The following PRDM15 variants were observed in gnomAD, a reference collection of about 807,000 sequenced individuals.
PRDM15 encodes the protein PR/SET domain 15.
PRDM15 carries 64 observed loss-of-function variants against 128.6 expected under a neutral mutation model. The observed-to-expected ratio is 0.50, with a 90% CI of 0.41 to 0.61. PRDM15 has a LOEUF of 0.61. PRDM15 is among the 20% of genes least tolerant of loss of function. The probability of loss-of-function intolerance (pLI) is 0.00; values close to 1 mark genes in which losing one functional copy is unlikely to be tolerated. For missense variants in PRDM15, 1,242 were observed against 1,569.1 expected (o/e 0.79, Z 3.52); for synonymous variants, 615 against 621.8 (o/e 0.99, Z 0.16).
chr21:41,866,308 A>G (rs1021130533), intron 1 of PRDM15, among the ~76,000 whole-genome samples: 4 of 152,268 alleles, frequency 2.6e-5, no homozygotes, highest in African/African-American at 9.6e-5. Context: ...TACATGTTCC[A>G]TATAAAAAGG....
At position 41,859,863 on chromosome 21, in the gene PRDM15, C is replaced by T. The variant is rs941168627; in HGVS notation, c.38-178G>A. Among the ~76,000 whole-genome samples, 3 of 152,086 alleles carry T rather than the reference C, an allele frequency of 2.0e-5. No homozygotes were observed. Among genetic ancestry groups the T allele is most frequent in the African/African-American group, 4.8e-5 (2 of 41,414 alleles). On this transcript the variant is annotated intron_variant, in intron 2 of 23. Transcript: ENST00000398548. The surrounding 1 kb of genome is among the most constrained non-coding windows in gnomAD (Gnocchi z 5.3). ...ATTGGATGGCAGAAGGCCTGTGTCC[C>T]GAAGGCCTCTGTCAGCACTCGTGCA...
chr21:41,850,506 T>C (rs1303817630), intron 5 of PRDM15, among the ~76,000 whole-genome samples: 1 of 152,068 alleles, frequency 6.6e-6, no homozygotes, highest in African/African-American at 2.4e-5. Context: ...GGTGGGAGGA[T>C]TGCCCGAATC....
intron 11 of PRDM15, 30 bp downstream of exon 11, chr21:41,835,407 G>A (rs1296943654): frequency 1.3e-6 from 2 of 1,580,858 alleles, no homozygotes; most frequent in East Asian, 2.2e-5. Flanking sequence ...CCGCACAGCG[G>A]CCGAGGGGAG....
chr21:41,835,579 C>T, intron 10 of PRDM15, 55 bp from the exon 11 acceptor site: 2 of 1,478,816 alleles, frequency 1.4e-6, no homozygotes, highest in Admixed American at 1.7e-5. Flanking sequence ...TCCACAGATG[C>T]CGAGCCCCCG....
At chr21:41,826,335 T>C (rs1015743534) in intron 12 of PRDM15, among the ~76,000 whole-genome samples, 1 of 152,190 alleles carries the variant, frequency 6.6e-6, no homozygotes, top group Admixed American at 6.5e-5. Context: ...GGAAATATAA[T>C]GGCATCGAGT....
Position 41,859,504 on chromosome 21 carries a change from C to T in PRDM15, c.131+88G>A. 9.3e-7 allele frequency: 1 copy of T among 1,070,972 alleles called. No homozygotes were observed. The highest frequency in any genetic ancestry group is 1.4e-6 in the Non-Finnish European group (1 of 724,110). The allele number at this position is 1,070,972 out of a possible 1,614,324, so 66.3% of individuals were successfully genotyped here. A position where few individuals can be genotyped will look rare whatever the true frequency, so the allele number is the denominator to read the frequency against. On this transcript the variant is annotated intron_variant, in intron 3 of 23. Coordinates refer to ENST00000398548, the MANE Select transcript of PRDM15 (RefSeq NM_001040424.3). The surrounding 1 kb of genome is among the most constrained non-coding windows in gnomAD (Gnocchi z 5.3). ...AGTGCCTCTGTTCTCCCTCAGGCTC[C>T]TTCCTCCCCGTCTGCAGACCCAAAG...
rs2063531969 is a variant in PRDM15, at chr21:41,854,836, C to A, written c.286-18G>T. The A allele has an allele frequency of 1.9e-6, 3 of 1,587,984 alleles. No homozygotes were observed. Among genetic ancestry groups the A allele is most frequent in the East Asian group, 4.5e-5 (2 of 44,390 alleles). ...TGGAACACCTGAAGGTGAGTCGGCC[C>A]ATGGAGAAGCCGGGGAAATGGCTGA... On this transcript the variant is annotated intron_variant, in intron 4 of 23. Coordinates refer to ENST00000398548, the MANE Select transcript of PRDM15 (RefSeq NM_001040424.3). The surrounding 1 kb of genome is among the most constrained non-coding windows in gnomAD (Gnocchi z 4.6).
intron 6 of PRDM15, among the ~76,000 whole-genome samples, chr21:41,846,771 G>T (rs1050797107): frequency 2.6e-5 from 4 of 152,262 alleles, no homozygotes; most frequent in African/African-American, 9.6e-5. Flanking sequence ...AAAGGCAAGA[G>T]TGCACAACAC....
Position 41,806,532 on chromosome 21 carries a change from C to CA in PRDM15, c.2653-1919dup, listed in dbSNP as rs541298036. Among the ~76,000 whole-genome samples the CA allele has an allele frequency of 5.7e-3, 310 of 54,498 alleles. 38 individuals are homozygous for CA. The highest frequency in any genetic ancestry group is 0.029 in the Middle Eastern group (2 of 70). The allele number at this position is 54,498 out of a possible 152,430, so 35.8% of individuals were successfully genotyped here. On this transcript the variant is annotated intron_variant, in intron 21 of 23. Coordinates refer to ENST00000398548, the MANE Select transcript of PRDM15 (RefSeq NM_001040424.3). The stretch of plus-strand genomic sequence containing the variant: ...CCATCACCACCACCATCACCACCAC[C>CA]ATCACTACCACCAACATCACCACCA...
chr21:41,848,557 T>C (rs2063336607), intron 5 of PRDM15, among the ~76,000 whole-genome samples: 1 of 152,178 alleles, frequency 6.6e-6, no homozygotes, highest in African/African-American at 2.4e-5. Flanking sequence ...CAAATTCCCA[T>C]TTCCCACTCA....
At chr21:41,826,530 T>C (rs1166907348) in intron 12 of PRDM15, among the ~76,000 whole-genome samples, 1 of 152,234 alleles carries the variant, frequency 6.6e-6, no homozygotes, top group Non-Finnish European at 1.5e-5. Context: ...AACATCAGGC[T>C]GGTAAATACA....
At chr21:41,834,575 G>A (rs925301672) in intron 11 of PRDM15, 2 of 1,547,836 alleles carry the variant, frequency 1.3e-6, no homozygotes, top group African/African-American at 2.7e-5. Flanking sequence ...CTAGAGAGAG[G>A]GGGACACAAA....
chr21:41,822,876 A>G (rs1332102232), intron 14 of PRDM15, among the ~76,000 whole-genome samples: 1 of 152,138 alleles, frequency 6.6e-6, no homozygotes, highest in Non-Finnish European at 1.5e-5. Flanking sequence ...CTCTACCAAA[A>G]ATACAAAAAT....
intron 21 of PRDM15, among the ~76,000 whole-genome samples, chr21:41,805,998 C>T: frequency 7.7e-6 from 1 of 129,612 alleles, no homozygotes; most frequent in African/African-American, 2.9e-5. Context: ...TCACCACCAC[C>T]ACCACCATCA....
intron 5 of PRDM15, among the ~76,000 whole-genome samples, chr21:41,848,718 A>G (rs1226108845): frequency 6.6e-6 from 1 of 152,118 alleles, no homozygotes; most frequent in East Asian, 1.9e-4. Context: ...CTCCAGCAAT[A>G]AGCCTCCACA....
chr21:41,802,570 C>G, intron 23 of PRDM15, 142 bp downstream of exon 23: 1 of 727,202 alleles, frequency 1.4e-6, no homozygotes, highest in South Asian at 1.7e-5. Flanking sequence ...AAGTGAAAAA[C>G]AGAATGTCTG....
In PRDM15 at chr21:41,861,459, C is replaced by T. The variant is rs1354169896; in HGVS notation, c.-9-1087G>A. 3 of 994,974 alleles carry T rather than the reference C, an allele frequency of 3.0e-6. No individual in the cohort carries two copies. In the African/African-American group the frequency reaches 4.9e-5, roughly 16 times the overall value. 61.6% of individuals were successfully genotyped at this position (994,974 alleles called of 1,614,324 possible). On this transcript the variant is annotated intron_variant, in intron 1 of 23. Transcript: ENST00000398548. ...GGCTGTAAAATGGAAATAAAAACAC[C>T]CACCTCATGCAGTTTGGGAGGAGCA...
chr21:41,810,313 C>G lies in PRDM15; in HGVS notation c.2493G>C (p.Thr831=), dbSNP rs146699277. The part of the protein sequence containing the change: ...KLIHTVGKQW[T]CSVCDKKYVT... The stretch of plus-strand genomic sequence containing the variant: ...CGTACTTCTTGTCGCACACGGAGCA[C>G]GTCCACTGCTTGCCCACTTTTCACA... Residue 831 remains threonine (T), a synonymous_variant, in exon 21 of 24, where the codon ACG becomes ACC. Coordinates refer to ENST00000398548, the MANE Select transcript of PRDM15 (RefSeq NM_001040424.3). This position sits in a 1 kb window ranked among gnomAD's most constrained non-coding sequence, Gnocchi z 6.4. The G allele has an allele frequency of 1.2e-6, 2 of 1,613,068 alleles. No individual in the cohort carries two copies. The highest frequency in any genetic ancestry group is 1.7e-6 in the Non-Finnish European group (2 of 1,179,684).
At chr21:41,858,969 G>A (rs2063725250) in intron 3 of PRDM15, 1 of 1,300,752 alleles carries the variant, frequency 7.7e-7, no homozygotes, top group East Asian at 2.6e-5. Context: ...CCACCCCACG[G>A]GAACTGCCAT....
Sources: gnomAD v4.1 joint callset for allele counts (sites outside exome capture counted in the v4.1 genomes callset) on GRCh38, gnomAD v4.1.1 for gene constraint, Gnocchi (gnomAD v3.1) non-coding constraint, MANE v1.5 for transcripts, NCBI Gene and HGNC (gene_info 2026-07-23, HGNC 2026-07-21) for gene names.